The following NR3C2 variants were observed in gnomAD, a reference collection of about 807,000 sequenced individuals.
NR3C2 encodes nuclear receptor subfamily 3 group C member 2.
Under a neutral mutation model 86.4 loss-of-function variants are expected in NR3C2, and 15 were observed. The observed-to-expected ratio is 0.17, with a 90% CI of 0.12 to 0.27. The LOEUF (loss-of-function observed/expected upper bound fraction) is 0.27. Ranked by LOEUF, NR3C2 falls within the 10% of genes least tolerant of loss-of-function variation. The pLI is 1.00. For missense variants in NR3C2, 960 were observed against 1,195.6 expected (o/e 0.80, Z 2.91); for synonymous variants, 458 against 450.5 (o/e 1.02, Z -0.21).
chr4:148,152,322 C>T, intron 6 of NR3C2, 147 bp downstream of exon 6: 2 of 796,488 alleles, frequency 2.5e-6, no homozygotes, highest in Non-Finnish European at 4.0e-6. Flanking sequence ...TTTTTAAGTT[C>T]CCAGAGATCT....
intron 2 of NR3C2, among the ~76,000 whole-genome samples, chr4:148,403,660 T>C (rs963385917): frequency 1.3e-5 from 2 of 152,118 alleles, no homozygotes; most frequent in African/African-American, 2.4e-5. Context: ...ACCTTTTTCT[T>C]ATGTTAGATT....
intron 2 of NR3C2, among the ~76,000 whole-genome samples, chr4:148,356,722 A>G (rs1745564469): frequency 6.6e-6 from 1 of 152,216 alleles, no homozygotes. Flanking sequence ...TAGCCTATGT[A>G]TGTGTGTGTA....
intron 2 of NR3C2, among the ~76,000 whole-genome samples, chr4:148,363,591 C>T (rs1745961122): frequency 6.8e-6 from 1 of 146,302 alleles, no homozygotes; most frequent in South Asian, 2.2e-4. Flanking sequence ...GCAAGCTCCG[C>T]CTCCTGGGTT....
intron 2 of NR3C2, among the ~76,000 whole-genome samples, chr4:148,270,580 C>G (rs1579089040): frequency 6.6e-6 from 1 of 152,222 alleles, no homozygotes; most frequent in East Asian, 1.9e-4. Context: ...GGAATTACCA[C>G]TCCTCAAAAT....
chr4:148,339,817 A>C (rs1488576249), intron 2 of NR3C2, among the ~76,000 whole-genome samples: 1 of 152,184 alleles, frequency 6.6e-6, no homozygotes, highest in South Asian at 2.1e-4. Flanking sequence ...TTAGATCAAA[A>C]CATTGTTAGA....
chr4:148,202,221 G>T (rs938312378), intron 3 of NR3C2, among the ~76,000 whole-genome samples: 3 of 152,198 alleles, frequency 2.0e-5, no homozygotes, highest in Non-Finnish European at 2.9e-5. Flanking sequence ...GAGAGGTGGT[G>T]CTGGGGCCTC....
intron 2 of NR3C2, among the ~76,000 whole-genome samples, chr4:148,317,972 C>T (rs1030392694): frequency 6.7e-6 from 1 of 150,008 alleles, no homozygotes; most frequent in African/African-American, 2.5e-5. Context: ...TGCGCTGCAC[C>T]CACTAACTCG....
rs114687963 is a variant in NR3C2, at chr4:148,431,860, G to C, written c.1757+3244C>G. On this transcript the variant is annotated intron_variant, in intron 2 of 8. Transcript: ENST00000358102. ...AGCGTGTATAGAAGAGAACAGACCAGCAGTTCTCAGCTTCTGGATCTCAGA... is the reference window on the plus strand; with the variant it reads ...AGCGTGTATAGAAGAGAACAGACCACCAGTTCTCAGCTTCTGGATCTCAGA... Among the ~76,000 whole-genome samples the C allele has an allele frequency of 5.3e-3, 807 of 152,220 alleles. 5 individuals are homozygous for C. Among genetic ancestry groups the C allele is most frequent in the East Asian group, 0.034 (175 of 5,186 alleles).
intron 8 of NR3C2, 95 bp from the exon 9 acceptor site, chr4:148,081,594 A>AT: frequency 6.4e-7 from 1 of 1,555,592 alleles, no homozygotes; most frequent in African/African-American, 1.4e-5. Flanking sequence ...AAATGACAAC[A>AT]TTTAGAAAGC....
chr4:148,141,699 G>A (rs951161933), intron 6 of NR3C2, among the ~76,000 whole-genome samples: 4 of 152,156 alleles, frequency 2.6e-5, no homozygotes, highest in African/African-American at 9.7e-5. Flanking sequence ...GCAGGCGAGT[G>A]AGTGTTACAG....
intron 7 of NR3C2, among the ~76,000 whole-genome samples, chr4:148,119,782 T>C (rs1010502270): frequency 8.9e-6 from 1 of 111,732 alleles, no homozygotes; most frequent in East Asian, 3.4e-4. Context: ...CAAGACTTCA[T>C]CTCAAAAAAA....
chr4:148,157,819 T>C (rs1578953006), intron 4 of NR3C2, among the ~76,000 whole-genome samples: 1 of 152,208 alleles, frequency 6.6e-6, no homozygotes, highest in East Asian at 1.9e-4. Flanking sequence ...ATTAACTTGA[T>C]TTAAAAATAA....
intron 7 of NR3C2, among the ~76,000 whole-genome samples, chr4:148,117,542 G>A (rs1056809904): frequency 1.3e-5 from 2 of 152,036 alleles, no homozygotes; most frequent in Admixed American, 6.6e-5. Context: ...ACGTGCCTCC[G>A]TTTTGTCAAC....
chr4:148,262,501 T>A (rs1026308373), intron 2 of NR3C2, among the ~76,000 whole-genome samples: 13 of 152,184 alleles, frequency 8.5e-5, no homozygotes, highest in African/African-American at 3.1e-4. Context: ...TTGCAGATCT[T>A]TCCCTGCCTC....
intron 3 of NR3C2, among the ~76,000 whole-genome samples, chr4:148,237,552 A>T (rs35504492): frequency 0.16 from 24,163 of 152,132 alleles, 2,064 homozygotes; most frequent in Admixed American, 0.24. Flanking sequence ...CACTTTAGTA[A>T]AGAGATTATG....
At chr4:148,306,358 C>T (rs1439323441) in intron 2 of NR3C2, among the ~76,000 whole-genome samples, 1 of 152,118 alleles carries the variant, frequency 6.6e-6, no homozygotes, top group African/African-American at 2.4e-5. Flanking sequence ...TTAAATCTAC[C>T]CCTCTTTCAC....
chr4:148,267,070 A>C (rs1443369459), intron 2 of NR3C2, among the ~76,000 whole-genome samples: 1 of 152,148 alleles, frequency 6.6e-6, no homozygotes, highest in Non-Finnish European at 1.5e-5. Flanking sequence ...CAAAGGAAAA[A>C]CTAGGAGCCA....
intron 4 of NR3C2, among the ~76,000 whole-genome samples, chr4:148,179,552 G>C (rs1735550434): frequency 6.6e-6 from 1 of 151,716 alleles, no homozygotes; most frequent in Admixed American, 6.5e-5. Flanking sequence ...ATGTATTTCT[G>C]GGGAGGGATG....
At chr4:148,230,445 C>T (rs1422068315) in intron 3 of NR3C2, among the ~76,000 whole-genome samples, 5 of 152,202 alleles carry the variant, frequency 3.3e-5, no homozygotes, top group Admixed American at 2.0e-4. Context: ...CGTCTGCCCA[C>T]CTCAGCCTCC....
Sources: allele counts gnomAD v4.1 joint callset (sites outside exome capture counted in the v4.1 genomes callset), GRCh38; gene constraint gnomAD v4.1.1; transcripts MANE v1.5; gene names NCBI Gene and HGNC (gene_info 2026-07-23, HGNC 2026-07-21).